The following KCNJ13 variants were observed in gnomAD, a reference collection of about 807,000 sequenced individuals.
KCNJ13 encodes inward rectifier potassium channel 13.
A neutral mutation model predicts 24.6 loss-of-function variants in KCNJ13; 9 were observed. The ratio of observed to expected loss-of-function variants is 0.37; its 90% CI spans 0.22 to 0.64. KCNJ13 has a LOEUF of 0.64. Ranked by LOEUF, KCNJ13 falls within the 30% of genes least tolerant of loss-of-function variation. The probability of loss-of-function intolerance (pLI) is 0.64; values close to 1 mark genes in which losing one functional copy is unlikely to be tolerated. For missense variants in KCNJ13, 337 were observed against 443.8 expected, an observed-to-expected ratio of 0.76 and a Z score of 2.16; for synonymous variants, 148 against 154.7, an observed-to-expected ratio of 0.96 and a Z score of 0.32.
Position 232,771,110 on chromosome 2 carries a change from G to C in KCNJ13, c.253C>G (p.Leu85Val), listed in dbSNP as rs1699226723. 1 of 1,614,076 alleles carries C rather than the reference G, an allele frequency of 6.2e-7. No individual in the cohort carries two copies. Among genetic ancestry groups the C allele is most frequent in the Non-Finnish European group, 8.5e-7 (1 of 1,180,008 alleles). Residue 85 changes from leucine to valine, a missense_variant, in exon 2 of 3, where the codon CTG (leucine) becomes GTG (valine). By Grantham distance (32) the Leu-to-Val change is conservative. This residue lies in a region of KCNJ13 where 101 missense variants were observed against 139.2 expected (regional missense o/e 0.73). Coordinates refer to ENST00000233826, the MANE Select transcript of KCNJ13 (RefSeq NM_002242.4). ...GGTGGGGCATCATGATCTAGTTCCA[G>C]ATCACCATTCATCTCAGCCAGAACA... is the stretch of plus-strand genomic sequence containing the variant. ...WYVLAEMNGD[L>V]ELDHDAPPEN...
chr2:232,774,587 A>G (rs965445554), intron 1 of KCNJ13, among the ~76,000 whole-genome samples: 4 of 152,168 alleles, frequency 2.6e-5, no homozygotes, highest in African/African-American at 9.7e-5. Context: ...ATTTTGACAC[A>G]TGGAAGAAGG....
Position 232,768,518 on chromosome 2 carries a change from A to C in KCNJ13, c.756T>G (p.Pro252=). ...TYYHSITPSS[P]LATLLQHENP... ...TTTCATGCTGGAGCAGAGTAGCCAG[A>C]GGACTTGATGGTGTAATGGAGTGAT... is the stretch of plus-strand genomic sequence containing the variant. Residue 252 remains proline (P), a synonymous_variant, in exon 3 of 3, where the codon CCT becomes CCG. Coordinates refer to ENST00000233826, the MANE Select transcript of KCNJ13 (RefSeq NM_002242.4). 6.2e-7 allele frequency: 1 copy of C among 1,614,136 alleles called. No homozygotes were observed. The highest frequency in any genetic ancestry group is 8.5e-7 in the Non-Finnish European group (1 of 1,179,980).
chr2:232,776,358 T>G, intron 1 of KCNJ13, 87 bp downstream of exon 1: 1 of 911,492 alleles, frequency 1.1e-6, no homozygotes, highest in Admixed American at 2.1e-5. Context: ...CTGTTGGAAG[T>G]AATCTAGCTC....
At position 232,771,345 on chromosome 2, in the gene KCNJ13, G is replaced by A. The variant is rs746033104; in HGVS notation, c.18C>T (p.Cys6=). The A allele has an allele frequency of 1.9e-6, 3 of 1,612,146 alleles. No individual in the cohort carries two copies. The highest frequency in any genetic ancestry group is 2.5e-6 in the Non-Finnish European group (3 of 1,178,784). Residue 6 remains cysteine, a synonymous_variant, in exon 2 of 3, where the codon TGC becomes TGT. Coordinates refer to ENST00000233826, the MANE Select transcript of KCNJ13 (RefSeq NM_002242.4). The stretch of plus-strand genomic sequence containing the variant: ...GACTTAGGAGAGGAGCAATAACTTT[G>A]CAATTACTGCTGTCCATCTCAGGCT... MDSSN[C]KVIAPLLSQR...
intron 1 of KCNJ13, among the ~76,000 whole-genome samples, chr2:232,776,040 T>C (rs737028): frequency 0.32 from 48,961 of 152,016 alleles, 8,242 homozygotes; most frequent in South Asian, 0.62. Flanking sequence ...TCTTCTTAGA[T>C]TACAGAAGTA....
chr2:232,766,925 T>A lies in KCNJ13; in HGVS notation c.*1266A>T, dbSNP rs1344416533. The A allele has an allele frequency of 2.6e-5, 4 of 152,208 alleles. No individual in the cohort carries two copies. Among genetic ancestry groups the A allele is most frequent in the Non-Finnish European group, 5.9e-5 (4 of 68,016 alleles). 9.4% of individuals were successfully genotyped at this position (152,208 alleles called of 1,614,324 possible). On this transcript the variant is annotated 3_prime_UTR_variant, in exon 3 of 3. Transcript: ENST00000233826. ...AACAGCCACAAATCTGTTTGAAACCTGATAGGGTGACTTTTTTGGTTTTTG... is the reference window on the plus strand; with the variant it reads ...AACAGCCACAAATCTGTTTGAAACCAGATAGGGTGACTTTTTTGGTTTTTG...
At position 232,768,819 on chromosome 2, in the gene KCNJ13, TAAGA is replaced by T. The variant is rs761768630; in HGVS notation, c.461-10_461-7del. The T allele has an allele frequency of 6.2e-7, 1 of 1,600,292 alleles. No individual in the cohort carries two copies. Among genetic ancestry groups the T allele is most frequent in the Admixed American group, 1.7e-5 (1 of 58,090 alleles). ...AATCTTCGCCACAAAAGCACCTAAA[TAAGA>T]AATTATTGATTTTTTTTTAGAATGA... On this transcript the variant is annotated splice_region_variant and splice_polypyrimidine_tract_variant and intron_variant, in intron 2 of 2. Coordinates refer to ENST00000233826, the MANE Select transcript of KCNJ13 (RefSeq NM_002242.4).
rs1481066504 is a variant in KCNJ13, at chr2:232,768,338, T to C, written c.936A>G (p.Gln312=). 6.2e-7 allele frequency: 1 copy of C among 1,614,198 alleles called. No individual in the cohort carries two copies. The highest frequency in any genetic ancestry group is 1.7e-5 in the Admixed American group (1 of 60,022). Residue 312 remains glutamine, a synonymous_variant, in exon 3 of 3, where the codon CAA becomes CAG. Coordinates refer to ENST00000233826, the MANE Select transcript of KCNJ13 (RefSeq NM_002242.4). ...TCTTGTCAAAATTCTCCATCTTGAT[T>C]TGATATTCACCTTTGGAACCTCGGG... ...LLTRGSKGEY[Q]IKMENFDKTV... is the part of the protein sequence containing the mutation.
At position 232,766,197 on chromosome 2, in the gene KCNJ13, C is replaced by T. The variant is rs909054333; in HGVS notation, c.*1994G>A. Among the ~76,000 whole-genome samples the T allele has an allele frequency of 1.3e-5, 2 of 152,138 alleles. No individual in the cohort carries two copies. Among genetic ancestry groups the T allele is most frequent in the African/African-American group, 2.4e-5 (1 of 41,412 alleles). ...TCTCCTGCAAAAAAGTTTTGGATCA[C>T]GTTTCTTATAGATTTATAAAGTGTT... is the stretch of plus-strand genomic sequence containing the variant. On this transcript the variant is annotated 3_prime_UTR_variant, in exon 3 of 3. Transcript: ENST00000233826.
chr2:232,773,909 T>C (rs1699390377), intron 1 of KCNJ13, among the ~76,000 whole-genome samples: 1 of 127,784 alleles, frequency 7.8e-6, no homozygotes, highest in South Asian at 2.4e-4. Flanking sequence ...TTGTCTCTAT[T>C]TAAAAAAAAA....
At chr2:232,770,264 C>T (rs1342351979) in intron 2 of KCNJ13, among the ~76,000 whole-genome samples, 3 of 152,116 alleles carry the variant, frequency 2.0e-5, no homozygotes, top group Admixed American at 2.0e-4. Context: ...TTATGTATGT[C>T]ACATAAAAAG....
Position 232,767,050 on chromosome 2 carries a change from GATAAA to G in KCNJ13, c.*1136_*1140del, listed in dbSNP as rs923138366. 14 of 152,066 alleles carry G rather than the reference GATAAA, an allele frequency of 9.2e-5. No individual in the cohort carries two copies. Among genetic ancestry groups the G allele is most frequent in the South Asian group, 2.1e-4 (1 of 4,824 alleles). 9.4% of individuals were successfully genotyped at this position (152,066 alleles called of 1,614,324 possible). A position where few individuals can be genotyped will look rare whatever the true frequency, so the allele number is the denominator to read the frequency against. ...AAGGGAAAGGGCTCATTTTAGCATA[GATAAA>G]ATAAAAAACAGAGGAAACATAATTT... is the stretch of plus-strand genomic sequence containing the variant. On this transcript the variant is annotated 3_prime_UTR_variant, in exon 3 of 3. Coordinates refer to ENST00000233826, the MANE Select transcript of KCNJ13 (RefSeq NM_002242.4).
At chr2:232,769,406 C>A (rs1054740396) in intron 2 of KCNJ13, among the ~76,000 whole-genome samples, 1 of 150,460 alleles carries the variant, frequency 6.6e-6, no homozygotes, top group African/African-American at 2.4e-5. Flanking sequence ...TGGCACATGC[C>A]TGTAATCCCA....
Position 232,766,105 on chromosome 2 carries a change from T to C in KCNJ13, c.*2086A>G. The C allele has an allele frequency of 2.4e-6, 1 of 416,846 alleles. No homozygotes were observed. The highest frequency in any genetic ancestry group is 5.0e-6 in the Non-Finnish European group (1 of 198,408). 25.8% of individuals were successfully genotyped at this position (416,846 alleles called of 1,614,324 possible). On this transcript the variant is annotated 3_prime_UTR_variant, in exon 3 of 3. Transcript: ENST00000233826. ...GGTCTTTCTATAGAAAACCTAATCC[T>C]TAACCTAGAAACTGTGATTTGAAAT...
intron 2 of KCNJ13, 28 bp downstream of exon 2, chr2:232,770,874 GT>G (rs760000696): frequency 1.3e-6 from 2 of 1,533,522 alleles, no homozygotes; most frequent in Middle Eastern, 1.7e-4. Flanking sequence ...TTTTGTTTTT[GT>G]TTTTTTTAAG....
At chr2:232,774,364 TCA>T (rs1360973780) in intron 1 of KCNJ13, among the ~76,000 whole-genome samples, 1 of 152,184 alleles carries the variant, frequency 6.6e-6, no homozygotes, top group African/African-American at 2.4e-5. Context: ...AAACAGATAT[TCA>T]GTTAGGAAAG....
At chr2:232,769,127 TA>T (rs560833471) in intron 2 of KCNJ13, among the ~76,000 whole-genome samples, 2 of 152,006 alleles carry the variant, frequency 1.3e-5, no homozygotes, top group East Asian at 1.9e-4. Context: ...TGCCTGTGCT[TA>T]AAAAAAAGTA....
chr2:232,772,608 G>A (rs558647153), intron 1 of KCNJ13, among the ~76,000 whole-genome samples: 3 of 152,276 alleles, frequency 2.0e-5, no homozygotes, highest in South Asian at 4.1e-4. Context: ...TCATCCTTGC[G>A]TATGACAAAG....
Position 232,772,139 on chromosome 2 carries a change from C to T in KCNJ13, c.-16-761G>A, listed in dbSNP as rs79776091. Among the ~76,000 whole-genome samples the T allele has an allele frequency of 9.7e-3, 1,470 of 152,262 alleles. 26 individuals carry two copies. Among genetic ancestry groups the T allele is most frequent in the African/African-American group, 0.033 (1,370 of 41,554 alleles). Reference sequence around the variant, plus strand: ...ATATTGCCTAGGCTGGTCTCAGACTCCTGTTCTCAAGCCATCTTCCCACTT... The same window carrying T: ...ATATTGCCTAGGCTGGTCTCAGACTTCTGTTCTCAAGCCATCTTCCCACTT... On this transcript the variant is annotated intron_variant, in intron 1 of 2. Transcript: ENST00000233826.
Sources: gnomAD v4.1 joint callset for allele counts (sites outside exome capture counted in the v4.1 genomes callset) on GRCh38, gnomAD v4.1.1 for gene constraint, gnomAD v4.1.1 regional missense constraint, MANE v1.5 for transcripts, NCBI Gene and HGNC (gene_info 2026-07-23, HGNC 2026-07-21) for gene names.